GLIS3: variants seen among roughly 807,000 people sequenced by gnomAD.
GLIS3 encodes the protein GLIS family zinc finger 3, also known as zinc finger protein GLIS3.
In GLIS3, 53 loss-of-function variants were observed where a neutral mutation model predicts 78.6. The ratio of observed to expected loss-of-function variants is 0.67; its 90% confidence interval spans 0.54 to 0.85. The LOEUF is 0.85. GLIS3 is among the 40% of genes least tolerant of loss of function. The pLI, the probability that GLIS3 is intolerant of heterozygous loss-of-function variation, is 0.00. For missense variants in GLIS3, 1,703 were observed against 1,231.1 expected, an observed-to-expected ratio of 1.38 and a Z score of -5.74; for synonymous variants, 684 against 509.9, an observed-to-expected ratio of 1.34 and a Z score of -4.60.
At chr9:4,159,013 T>A (rs1835257768) in intron 2 of GLIS3, among the ~76,000 whole-genome samples, 1 of 113,130 alleles carries the variant, frequency 8.8e-6, no homozygotes, top group South Asian at 3.0e-4. Flanking sequence ...CAGCTTGGTA[T>A]GCTAGAGAAA....
At chr9:4,399,532 C>T in the GLIS3 span, among the ~76,000 whole-genome samples, 1 of 152,320 alleles carries the variant, frequency 6.6e-6, no homozygotes, top group East Asian at 1.9e-4. Flanking sequence ...TCCTGGTCTG[C>T]CATTTCCCCT....
At chr9:4,311,997 G>C (rs1043016113) in intron 2 of GLIS3, among the ~76,000 whole-genome samples, 9 of 152,212 alleles carry the variant, frequency 5.9e-5, no homozygotes, top group African/African-American at 2.2e-4. Context: ...TGGAGAGTGG[G>C]AGGAGGAAGA....
chr9:4,418,370 G>T, the GLIS3 span, among the ~76,000 whole-genome samples: 2 of 152,174 alleles, frequency 1.3e-5, no homozygotes, highest in Non-Finnish European at 1.5e-5. Context: ...TTGCCCAAAT[G>T]GGTAGGTTAA....
chr9:4,169,264 C>T (rs1816157865), intron 2 of GLIS3, among the ~76,000 whole-genome samples: 1 of 152,176 alleles, frequency 6.6e-6, no homozygotes, highest in Non-Finnish European at 1.5e-5. Flanking sequence ...ATTCACTGAC[C>T]TTTAAAAACA....
intron 4 of GLIS3, among the ~76,000 whole-genome samples, chr9:3,968,950 G>C (rs1030199489): frequency 5.9e-5 from 9 of 152,316 alleles, no homozygotes; most frequent in Admixed American, 5.2e-4. Flanking sequence ...ACAGAGTCTA[G>C]GGACAAGACA....
intron 4 of GLIS3, among the ~76,000 whole-genome samples, chr9:3,948,584 C>T (rs570823241): frequency 6.6e-6 from 1 of 152,282 alleles, no homozygotes; most frequent in South Asian, 2.1e-4. Context: ...TCTCTGGAAC[C>T]TGACTCAAGT....
intron 4 of GLIS3, chr9:4,070,916 T>A (rs1273201941): frequency 6.6e-6 from 1 of 152,208 alleles, no homozygotes. Context: ...CCCTGCTTTA[T>A]GTACCTGTAT....
At chr9:4,246,614 C>A (rs1431175032) in intron 2 of GLIS3, among the ~76,000 whole-genome samples, 2 of 152,182 alleles carry the variant, frequency 1.3e-5, no homozygotes, top group African/African-American at 4.8e-5. Flanking sequence ...CAAACTGAGA[C>A]TGGAGTTCAG....
At chr9:4,371,759 G>T in the GLIS3 span, among the ~76,000 whole-genome samples, 2 of 152,194 alleles carry the variant, frequency 1.3e-5, no homozygotes, top group Non-Finnish European at 2.9e-5. Context: ...AGGCTTTAAA[G>T]TGGGTCCCCA....
At chr9:4,436,138 C>T in the GLIS3 span, among the ~76,000 whole-genome samples, 2 of 152,154 alleles carry the variant, frequency 1.3e-5, no homozygotes, top group Non-Finnish European at 2.9e-5. Context: ...AACAATGCTT[C>T]TCTAAGAATT....
chr9:4,045,101 G>A (rs1305152507), intron 4 of GLIS3, among the ~76,000 whole-genome samples: 1 of 152,156 alleles, frequency 6.6e-6, no homozygotes, highest in Non-Finnish European at 1.5e-5. Flanking sequence ...AGACAACCTA[G>A]CACCTAGAGT....
chr9:4,091,911 A>T (rs181639480), intron 4 of GLIS3, among the ~76,000 whole-genome samples: 2 of 152,204 alleles, frequency 1.3e-5, no homozygotes, highest in Admixed American at 1.3e-4. Flanking sequence ...GAAAAGGTAC[A>T]GTAAAAATAC....
chr9:4,179,803 A>G (rs775389194), intron 2 of GLIS3, among the ~76,000 whole-genome samples: 29 of 151,830 alleles, frequency 1.9e-4, no homozygotes, highest in Non-Finnish European at 4.3e-4. Context: ...CCAGCTACCC[A>G]GGAGGCTGAG....
chr9:4,433,878 T>C, the GLIS3 span, among the ~76,000 whole-genome samples: 8 of 152,214 alleles, frequency 5.3e-5, no homozygotes, highest in African/African-American at 1.9e-4. Flanking sequence ...AGGTGGATCA[T>C]GAGCTCAAGA....
At chr9:4,321,347 A>G (rs12235808) in intron 2 of GLIS3, among the ~76,000 whole-genome samples, 13,542 of 84,534 alleles carry the variant, frequency 0.16, 2,584 homozygotes, top group African/African-American at 0.18. Context: ...GCGTGAACCC[A>G]GGAGGCGGAG....
At chr9:4,369,518 A>C in the GLIS3 span, among the ~76,000 whole-genome samples, 1 of 152,188 alleles carries the variant, frequency 6.6e-6, no homozygotes, top group African/African-American at 2.4e-5. Context: ...TTGTCTTGAG[A>C]GAACATGGTG....
the GLIS3 span, among the ~76,000 whole-genome samples, chr9:4,465,359 C>T: frequency 2.0e-5 from 3 of 152,188 alleles, no homozygotes; most frequent in African/African-American, 7.2e-5. Flanking sequence ...ACCAGCCTGG[C>T]CAACGTGGTG....
rs866397095 is a variant in GLIS3, at chr9:4,296,292, G to A, written c.-99+3129C>T. 2.6e-3 allele frequency among the ~76,000 whole-genome samples: 308 copies of A among 116,236 alleles called. 1 individual carries two copies. The highest frequency in any genetic ancestry group is 6.8e-3 in the South Asian group (23 of 3,374). 76.3% of individuals were successfully genotyped at this position (116,236 alleles called of 152,430 possible). On this transcript the variant is annotated intron_variant, in intron 1 of 10. Coordinates refer to ENST00000381971, the MANE Select transcript of GLIS3 (RefSeq NM_001042413.2). ...TACTAGCAGGAAAGAACAGTCAGAGGAAAAAAAAAAAAAAAAAAGACCGAG... is the reference window on the plus strand; with the variant it reads ...TACTAGCAGGAAAGAACAGTCAGAGAAAAAAAAAAAAAAAAAAAGACCGAG...
intron 4 of GLIS3, among the ~76,000 whole-genome samples, chr9:4,067,282 C>G (rs138031277): frequency 1.1e-4 from 16 of 151,290 alleles, no homozygotes; most frequent in African/African-American, 3.9e-4. Flanking sequence ...TATTAAAATT[C>G]TTTAATATAA....
Sources: allele counts gnomAD v4.1 joint callset (sites outside exome capture counted in the v4.1 genomes callset), GRCh38; gene constraint gnomAD v4.1.1; transcripts MANE v1.5; gene names NCBI Gene and HGNC (gene_info 2026-07-23, HGNC 2026-07-21).